The following TRDN variants were observed in gnomAD, a reference collection of about 807,000 sequenced individuals.
The protein encoded by TRDN is triadin in skeletal muscle.
A neutral mutation model predicts 149.7 loss-of-function variants in TRDN; 161 were observed. The ratio of observed to expected loss-of-function variants is 1.08; its 90% CI spans 0.95 to 1.23. The LOEUF is 1.23. Ranked by LOEUF, TRDN falls within the 50% of genes most tolerant of loss-of-function variation. The pLI is 0.00. For synonymous variants in TRDN, 294 were observed against 250.5 expected (o/e 1.17, Z -1.64); for missense variants, 896 against 823.5 (o/e 1.09, Z -1.08).
intron 4 of TRDN, among the ~76,000 whole-genome samples, chr6:123,545,037 T>C (rs1781044737): frequency 6.6e-6 from 1 of 151,906 alleles, no homozygotes; most frequent in Non-Finnish European, 1.5e-5. Flanking sequence ...CAAATAAAAC[T>C]AAGTGTATTC....
At chr6:123,636,710 AT>A (rs761051899) in intron 1 of TRDN, 43 bp downstream of exon 1, 35 of 1,605,204 alleles carry the variant, frequency 2.2e-5, no homozygotes, top group Middle Eastern at 1.7e-4. Context: ...CGATTTGCAT[AT>A]TTTTTTTCCT....
At chr6:123,218,963 T>G (rs531706809) in intron 40 of TRDN, among the ~76,000 whole-genome samples, 1 of 152,048 alleles carries the variant, frequency 6.6e-6, no homozygotes, top group African/African-American at 2.4e-5. Context: ...TTACATGAGT[T>G]ACATGTGCTC....
intron 24 of TRDN, among the ~76,000 whole-genome samples, chr6:123,302,976 T>C (rs2114673890): frequency 6.6e-6 from 1 of 152,278 alleles, no homozygotes; most frequent in South Asian, 2.1e-4. Flanking sequence ...TGTTTATAGT[T>C]TTTTAGGCAT....
chr6:123,274,305 A>C (rs1473828045), intron 27 of TRDN, among the ~76,000 whole-genome samples: 1 of 152,128 alleles, frequency 6.6e-6, no homozygotes, highest in African/African-American at 2.4e-5. Context: ...ATACTTCAGA[A>C]TTATAAAAAC....
intron 21 of TRDN, among the ~76,000 whole-genome samples, chr6:123,340,296 G>A (rs180972514): frequency 6.6e-6 from 1 of 152,138 alleles, no homozygotes; most frequent in Admixed American, 6.5e-5. Flanking sequence ...GTATTCATCT[G>A]TTTAAAGGAA....
chr6:123,406,229 A>G (rs1308446011), intron 12 of TRDN, among the ~76,000 whole-genome samples: 3 of 152,228 alleles, frequency 2.0e-5, no homozygotes, highest in Non-Finnish European at 4.4e-5. Flanking sequence ...TAAATTTCAC[A>G]AACATCAAGA....
chr6:123,572,969 A>G (rs1012729767), intron 1 of TRDN, among the ~76,000 whole-genome samples: 4 of 152,128 alleles, frequency 2.6e-5, no homozygotes, highest in Admixed American at 1.3e-4. Context: ...AATGTGTCCA[A>G]TAATAATTGA....
chr6:123,366,925 C>T (rs1044932927), intron 19 of TRDN, among the ~76,000 whole-genome samples: 57 of 152,190 alleles, frequency 3.7e-4, no homozygotes, highest in Non-Finnish European at 8.8e-5. Flanking sequence ...TTGTTTAATA[C>T]TGATTGCAAG....
At chr6:123,448,658 AGCAGAAG>A (rs1775555553) in intron 10 of TRDN, among the ~76,000 whole-genome samples, 1 of 151,954 alleles carries the variant, frequency 6.6e-6, no homozygotes, top group Non-Finnish European at 1.5e-5. Flanking sequence ...CCACCCAGGT[AGCAGAAG>A]ACAAAAGGCC....
intron 9 of TRDN, among the ~76,000 whole-genome samples, chr6:123,477,593 A>G (rs575268365): frequency 0.11 from 16,751 of 151,118 alleles, 1,252 homozygotes; most frequent in Non-Finnish European, 0.16. Context: ...TCATGCTGCT[A>G]TAAAGACACA....
In TRDN at chr6:123,298,820, C is replaced by G. The variant is rs186080049; in HGVS notation, c.1510+17637G>C. Among the ~76,000 whole-genome samples the G allele has an allele frequency of 4.3e-3, 659 of 152,102 alleles. 4 individuals are homozygous for G. The highest frequency in any genetic ancestry group is 8.0e-3 in the Non-Finnish European group (543 of 67,934). ...CTGAAACATGCCATTAAAGGAAATA[C>G]CACTTTTTCTCTCCACATAGGAGAT... On this transcript the variant is annotated intron_variant, in intron 24 of 40. Coordinates refer to ENST00000334268, the MANE Select transcript of TRDN (RefSeq NM_006073.4).
At chr6:123,335,386 A>C (rs1779824531) in intron 22 of TRDN, among the ~76,000 whole-genome samples, 1 of 151,928 alleles carries the variant, frequency 6.6e-6, no homozygotes, top group South Asian at 2.1e-4. Flanking sequence ...TCAGTAAGGA[A>C]TGTCAATTGT....
intron 10 of TRDN, among the ~76,000 whole-genome samples, chr6:123,459,623 T>A (rs897200889): frequency 6.6e-6 from 1 of 152,168 alleles, no homozygotes; most frequent in Non-Finnish European, 1.5e-5. Flanking sequence ...CTATATTCAT[T>A]AAACTCTTTT....
chr6:123,447,847 A>G (rs978617359), intron 10 of TRDN, among the ~76,000 whole-genome samples: 12 of 151,822 alleles, frequency 7.9e-5, no homozygotes, highest in African/African-American at 2.7e-4. Flanking sequence ...TCCCAAGAGG[A>G]CCCACAGACC....
intron 12 of TRDN, among the ~76,000 whole-genome samples, chr6:123,419,141 T>C (rs567098251): frequency 6.6e-6 from 1 of 152,034 alleles, no homozygotes; most frequent in East Asian, 1.9e-4. Context: ...GCAGAAGCCA[T>C]GTCTCGGGTA....
intron 21 of TRDN, among the ~76,000 whole-genome samples, chr6:123,339,056 A>G (rs964479397): frequency 2.0e-5 from 3 of 151,888 alleles, no homozygotes; most frequent in Admixed American, 2.0e-4. Context: ...CTTTGTTGCC[A>G]GGCTGGAGTG....
At chr6:123,544,503 G>A (rs1019422912) in intron 4 of TRDN, among the ~76,000 whole-genome samples, 1 of 152,014 alleles carries the variant, frequency 6.6e-6, no homozygotes, top group Non-Finnish European at 1.5e-5. Flanking sequence ...CCCTTAGAAA[G>A]TGAGGTGCTA....
At position 123,605,523 on chromosome 6, in the gene TRDN, A is replaced by G. The variant is rs550818891; in HGVS notation, c.22+31231T>C. Among the ~76,000 whole-genome samples, 19 of 150,934 alleles carry G rather than the reference A, an allele frequency of 1.3e-4. No individual in the cohort carries two copies. In the East Asian group the frequency reaches 3.1e-3, roughly 25 times the overall value. Reference sequence around the variant, plus strand: ...GTTTTTGGGCCAGGCGTGGTGGCTCATGCCTGTAACTCCAGCATTTTGGGA... The same window carrying G: ...GTTTTTGGGCCAGGCGTGGTGGCTCGTGCCTGTAACTCCAGCATTTTGGGA... On this transcript the variant is annotated intron_variant, in intron 1 of 40. Transcript: ENST00000334268.
At chr6:123,585,245 T>G (rs1562407066) in intron 1 of TRDN, among the ~76,000 whole-genome samples, 2 of 151,488 alleles carry the variant, frequency 1.3e-5, no homozygotes, top group African/African-American at 2.4e-5. Context: ...AAGCAGATAA[T>G]TTAGTTAAAG....
Sources: allele counts gnomAD v4.1 joint callset (sites outside exome capture counted in the v4.1 genomes callset), GRCh38; gene constraint gnomAD v4.1.1; transcripts MANE v1.5; gene names NCBI Gene and HGNC (gene_info 2026-07-23, HGNC 2026-07-21).